Variants in DIS3L2 observed in about 807,000 individuals in gnomAD.
DIS3L2 encodes DIS3-like exonuclease 2.
Under a neutral mutation model 97.5 loss-of-function variants are expected in DIS3L2, and 34 were observed. The observed-to-expected ratio is 0.35, with a 90% CI of 0.27 to 0.46. DIS3L2 has a LOEUF of 0.46. DIS3L2 is among the 20% of genes least tolerant of loss of function. DIS3L2 has a pLI of 1.00. For missense variants in DIS3L2, 1,038 were observed against 1,146.0 expected (o/e 0.91, Z 1.36); for synonymous variants, 435 against 445.2 (o/e 0.98, Z 0.29).
rs890875196 is a variant in DIS3L2, at chr2:232,281,746, G to C, written c.1660-18294G>C. Among the ~76,000 whole-genome samples the C allele has an allele frequency of 1.3e-5, 2 of 152,214 alleles. No homozygotes were observed. The highest frequency in any genetic ancestry group is 2.4e-5 in the African/African-American group (1 of 41,454). ...GGCACCACCCAGGGGAGGAAGAGCAGGCATTGGGTGGAGACCCTCCAGGCT... is the reference window on the plus strand; with the variant it reads ...GGCACCACCCAGGGGAGGAAGAGCACGCATTGGGTGGAGACCCTCCAGGCT... On this transcript the variant is annotated intron_variant, in intron 13 of 20. Transcript: ENST00000325385. The surrounding 1 kb of genome is among the most constrained non-coding windows in gnomAD (Gnocchi z 4.1).
intron 5 of DIS3L2, among the ~76,000 whole-genome samples, chr2:232,048,811 A>C (rs1001293405): frequency 6.6e-6 from 1 of 152,058 alleles, no homozygotes; most frequent in Non-Finnish European, 1.5e-5. Flanking sequence ...CATTGTTGTT[A>C]TAGTGTGTTA....
chr2:232,116,219 T>TAAATAAATAAAA (rs1553608690), intron 6 of DIS3L2, among the ~76,000 whole-genome samples: 1 of 150,200 alleles, frequency 6.7e-6, no homozygotes, highest in African/African-American at 2.5e-5. Context: ...AATAAATAAA[T>TAAATAAATAAAA]AAAACAGATG....
chr2:232,268,854 A>T lies in DIS3L2; in HGVS notation c.1659+5414A>T, dbSNP rs1693913580. On this transcript the variant is annotated intron_variant, in intron 13 of 20. Transcript: ENST00000325385. The surrounding 1 kb of genome is among the most constrained non-coding windows in gnomAD (Gnocchi z 4.1). The stretch of plus-strand genomic sequence containing the variant: ...CTGGGTAATGGAGAACAGTCGTGCT[A>T]AGTTAACTCTCAGGATGGCTTCATG... Among the ~76,000 whole-genome samples, 1 of 152,186 alleles carries T rather than the reference A, an allele frequency of 6.6e-6. No individual in the cohort carries two copies.
At chr2:232,034,615 A>G (rs1188665547) in intron 5 of DIS3L2, among the ~76,000 whole-genome samples, 1 of 152,160 alleles carries the variant, frequency 6.6e-6, no homozygotes, top group Non-Finnish European at 1.5e-5. Context: ...AGTGCTATAA[A>G]TTTCCTTCTA....
chr2:232,283,069 C>A (rs1017070222), intron 13 of DIS3L2, among the ~76,000 whole-genome samples: 1 of 152,132 alleles, frequency 6.6e-6, no homozygotes, highest in African/African-American at 2.4e-5. Flanking sequence ...AGCACAGAGG[C>A]TTCTTTGGCT....
intron 3 of DIS3L2, among the ~76,000 whole-genome samples, chr2:232,016,940 C>CCCTTCCTT: frequency 6.9e-6 from 1 of 144,876 alleles, no homozygotes; most frequent in Non-Finnish European, 1.5e-5. Context: ...CTCCCTCCCT[C>CCCTTCCTT]CCTTCCTTCC....
chr2:232,216,480 C>T lies in DIS3L2; in HGVS notation c.1204+6075C>T, dbSNP rs180925873. ...CCTGGTTTCCCCTTTCCCTGCAAAGCCACATGGCTGACCTCTCCCTTTCAG... is the reference window on the plus strand; with the variant it reads ...CCTGGTTTCCCCTTTCCCTGCAAAGTCACATGGCTGACCTCTCCCTTTCAG... On this transcript the variant is annotated intron_variant, in intron 10 of 20. Coordinates refer to ENST00000325385, the MANE Select transcript of DIS3L2 (RefSeq NM_152383.5). Among the ~76,000 whole-genome samples, 244 of 152,316 alleles carry T rather than the reference C, an allele frequency of 1.6e-3. 1 individual carries two copies. Among genetic ancestry groups the T allele is most frequent in the Non-Finnish European group, 2.8e-3 (191 of 68,024 alleles).
Position 232,087,577 on chromosome 2 carries a change from C to G in DIS3L2, c.457C>G (p.Gln153Glu), listed in dbSNP as rs1696701349. 1 of 1,613,982 alleles carries G rather than the reference C, an allele frequency of 6.2e-7. No homozygotes were observed. The highest frequency in any genetic ancestry group is 2.2e-5 in the East Asian group (1 of 44,888). The change falls in exon 6 of 21, where the codon CAG becomes GAG. Residue 153 changes from glutamine (Q) to glutamate (E), a missense_variant. By Grantham distance (29) the Gln-to-Glu change is conservative (BLOSUM62 2). Coordinates refer to ENST00000325385, the MANE Select transcript of DIS3L2 (RefSeq NM_152383.5). The part of the protein sequence containing the change: ...EELCGHHLPQ[Q>E]SLKSYNDSPD... ...GCTCTGTGGACACCATCTCCCGCAA[C>G]AGTCCCTGAAAAGCTATAATGACAG...
In DIS3L2 at chr2:232,281,260, G is replaced by A. The variant is rs1326428013; in HGVS notation, c.1659+17820G>A. Among the ~76,000 whole-genome samples the A allele has an allele frequency of 9.2e-5, 14 of 152,156 alleles. No individual in the cohort carries two copies. Among genetic ancestry groups the A allele is most frequent in the Non-Finnish European group, 1.5e-4 (10 of 68,034 alleles). On this transcript the variant is annotated intron_variant, in intron 13 of 20. Coordinates refer to ENST00000325385, the MANE Select transcript of DIS3L2 (RefSeq NM_152383.5). This position sits in a 1 kb window ranked among gnomAD's most constrained non-coding sequence, Gnocchi z 4.1. Reference sequence around the variant, plus strand: ...TAAAAATACAAAAAATTAGCCGGGCGTGGTGGCGGGCGCCTGTGGTCCCAG... The same window carrying A: ...TAAAAATACAAAAAATTAGCCGGGCATGGTGGCGGGCGCCTGTGGTCCCAG...
intron 5 of DIS3L2, among the ~76,000 whole-genome samples, chr2:232,065,175 A>G (rs1487336637): frequency 6.6e-6 from 1 of 152,118 alleles, no homozygotes; most frequent in Non-Finnish European, 1.5e-5. Flanking sequence ...TTAAGTATGC[A>G]TGATGCTGTG....
At chr2:232,134,030 A>C (rs566320588) in intron 7 of DIS3L2, among the ~76,000 whole-genome samples, 1 of 151,696 alleles carries the variant, frequency 6.6e-6, no homozygotes, top group East Asian at 1.9e-4. Context: ...TGAGAAGTAT[A>C]GTCCTGAAAA....
chr2:232,015,098 T>C, intron 2 of DIS3L2, 119 bp downstream of exon 2: 1 of 919,568 alleles, frequency 1.1e-6, no homozygotes. Flanking sequence ...TTTAGTGACC[T>C]GTTAAGTATT....
intron 6 of DIS3L2, among the ~76,000 whole-genome samples, chr2:232,116,771 A>G (rs1697726691): frequency 6.6e-6 from 1 of 152,192 alleles, no homozygotes; most frequent in Admixed American, 6.5e-5. Context: ...TTAACATTTT[A>G]CAATTGAAAA....
intron 4 of DIS3L2, among the ~76,000 whole-genome samples, chr2:232,024,776 T>A: frequency 6.6e-6 from 1 of 150,876 alleles, no homozygotes; most frequent in African/African-American, 2.4e-5. Flanking sequence ...GGGGTCAGAG[T>A]TTCTCACTTC....
chr2:232,026,084 T>A (rs1184237458), intron 4 of DIS3L2, among the ~76,000 whole-genome samples: 1 of 152,164 alleles, frequency 6.6e-6, no homozygotes, highest in Non-Finnish European at 1.5e-5. Context: ...TGCTGCTTCC[T>A]CTCTTCCCTG....
chr2:232,324,219 T>C (rs993453056), intron 14 of DIS3L2, among the ~76,000 whole-genome samples: 3 of 152,202 alleles, frequency 2.0e-5, no homozygotes, highest in Non-Finnish European at 4.4e-5. Flanking sequence ...AGCCCAGGGC[T>C]CTGGAGCTTA....
chr2:232,191,226 T>G (rs959595084), intron 9 of DIS3L2, among the ~76,000 whole-genome samples: 5 of 152,216 alleles, frequency 3.3e-5, no homozygotes, highest in Non-Finnish European at 7.4e-5. Flanking sequence ...TTGAGCTTGC[T>G]GGCAAGTGGT....
chr2:231,998,182 C>T (rs984724069), intron 1 of DIS3L2, among the ~76,000 whole-genome samples: 11 of 152,080 alleles, frequency 7.2e-5, no homozygotes, highest in African/African-American at 2.7e-4. Flanking sequence ...AAATTTATTT[C>T]TCACAGTTCT....
intron 5 of DIS3L2, among the ~76,000 whole-genome samples, chr2:232,059,362 A>G (rs1014469534): frequency 1.3e-5 from 2 of 152,232 alleles, no homozygotes; most frequent in African/African-American, 4.8e-5. Flanking sequence ...ATACTCTACC[A>G]CTGTACTATC....
Sources: allele counts gnomAD v4.1 joint callset (sites outside exome capture counted in the v4.1 genomes callset), GRCh38; gene constraint gnomAD v4.1.1; non-coding constraint Gnocchi (gnomAD v3.1); transcripts MANE v1.5; gene names NCBI Gene and HGNC (gene_info 2026-07-23, HGNC 2026-07-21).